CA7: variants seen among roughly 807,000 people sequenced by gnomAD.
The protein encoded by CA7 is carbonic anhydrase 7, also known as carbonate dehydratase VII.
Under a neutral mutation model 31.4 loss-of-function variants are expected in CA7, and 13 were observed. The observed-to-expected ratio is 0.41, with a 90% CI of 0.27 to 0.66. The LOEUF is 0.66. CA7 is among the 30% of genes least tolerant of loss of function. The pLI, the probability that CA7 is intolerant of heterozygous loss-of-function variation, is 0.28. For synonymous variants in CA7, 128 were observed against 133.2 expected (o/e 0.96, Z 0.27); for missense variants, 215 against 351.0 (o/e 0.61, Z 3.10).
chr16:66,849,341 C>G (rs138617622), intron 2 of CA7, among the ~76,000 whole-genome samples: 44 of 152,306 alleles, frequency 2.9e-4, no homozygotes, highest in Non-Finnish European at 5.6e-4. Flanking sequence ...AGCTACCCTC[C>G]TCTTCTGGAA....
chr16:66,852,896 G>A, intron 6 of CA7, 29 bp downstream of exon 6: 4 of 1,603,328 alleles, frequency 2.5e-6, no homozygotes, highest in Non-Finnish European at 3.4e-6. Flanking sequence ...CCAGATGGAG[G>A]GACATGGCAC....
Position 66,850,663 on chromosome 16 carries a change from C to A in CA7, c.357+4C>A. The A allele has an allele frequency of 6.3e-7, 1 of 1,583,562 alleles. No individual in the cohort carries two copies. Among genetic ancestry groups the A allele is most frequent in the Non-Finnish European group, 8.7e-7 (1 of 1,152,180 alleles). On this transcript the variant is annotated splice_donor_region_variant and intron_variant, in intron 3 of 6. Transcript: ENST00000338437. ...CGGCAAGTCCTTCCCCAGCGAGGTA[C>A]GGGCCCTCCTCCACTTGAATCCCTC...
chr16:66,852,586 G>GAAAAA, intron 5 of CA7, 126 bp from the exon 6 acceptor site: 1 of 439,660 alleles, frequency 2.3e-6, no homozygotes, highest in Non-Finnish European at 3.3e-6. Context: ...GAAAAGAAAA[G>GAAAAA]AAAAAAAAAA....
At chr16:66,848,697 G>A (rs1214893501) in intron 2 of CA7, among the ~76,000 whole-genome samples, 2 of 152,214 alleles carry the variant, frequency 1.3e-5, no homozygotes, top group Non-Finnish European at 2.9e-5. Flanking sequence ...TGAGTGCCCC[G>A]TGAATGGCAG....
At chr16:66,845,447 T>C (rs748990921) in intron 1 of CA7, among the ~76,000 whole-genome samples, 19 of 151,922 alleles carry the variant, frequency 1.3e-4, no homozygotes, top group African/African-American at 2.2e-4. Context: ...CTTTGTGAGG[T>C]TGGGTGGGGG....
In CA7 at chr16:66,851,742, C is replaced by T. The variant is rs1161740381; in HGVS notation, c.516+16C>T. On this transcript the variant is annotated intron_variant, in intron 5 of 6. Transcript: ENST00000338437. Reference sequence around the variant, plus strand: ...CCGGTTCAAGGTAAAGTCCCTGCCCCTGACCCAAGCAGCCCGATGGGGAGA... The same window carrying T: ...CCGGTTCAAGGTAAAGTCCCTGCCCTTGACCCAAGCAGCCCGATGGGGAGA... 5 of 1,610,468 alleles carry T rather than the reference C, an allele frequency of 3.1e-6. No homozygotes were observed. The highest frequency in any genetic ancestry group is 4.2e-6 in the Non-Finnish European group (5 of 1,178,046).
intron 5 of CA7, among the ~76,000 whole-genome samples, 184 bp from the exon 6 acceptor site, chr16:66,852,528 G>A (rs71392164): frequency 7.6e-6 from 1 of 131,398 alleles, no homozygotes; most frequent in African/African-American, 3.3e-5. Context: ...AAGGAAGGAA[G>A]GGAAAGGAAG....
chr16:66,852,120 C>T (rs1164126164), intron 5 of CA7, among the ~76,000 whole-genome samples: 2 of 152,120 alleles, frequency 1.3e-5, no homozygotes, highest in Non-Finnish European at 2.9e-5. Context: ...GACATTTGCT[C>T]ACAATTTGCA....
chr16:66,847,461 C>T (rs1004360360), intron 2 of CA7, among the ~76,000 whole-genome samples: 3 of 152,224 alleles, frequency 2.0e-5, no homozygotes, highest in African/African-American at 4.8e-5. Flanking sequence ...GTCGATAGAT[C>T]TGGCACACAG....
Position 66,853,693 on chromosome 16 carries a change from C to G in CA7, c.*195C>G, listed in dbSNP as rs1373097449. 3.1e-6 allele frequency: 2 copies of G among 647,592 alleles called. No homozygotes were observed. The highest frequency in any genetic ancestry group is 3.0e-5 in the Admixed American group (1 of 33,524). The allele number at this position is 647,592 out of a possible 1,614,324, so 40.1% of individuals were successfully genotyped here. ...GGGCACCCTTCAGCTGCCCTGGGGACAGGAAGGACAGGAGCTAAGCAGGGT... is the reference window on the plus strand; with the variant it reads ...GGGCACCCTTCAGCTGCCCTGGGGAGAGGAAGGACAGGAGCTAAGCAGGGT... On this transcript the variant is annotated 3_prime_UTR_variant, in exon 7 of 7. Transcript: ENST00000338437. The surrounding 1 kb of genome is among the most constrained non-coding windows in gnomAD (Gnocchi z 4.5).
intron 5 of CA7, 136 bp downstream of exon 5, chr16:66,851,862 G>A (rs763682650): frequency 7.7e-6 from 6 of 775,228 alleles, no homozygotes; most frequent in Non-Finnish European, 1.1e-5. Flanking sequence ...GCATCAGCAG[G>A]GCCCTGCACC....
chr16:66,851,629 T>C (rs1370526961), intron 4 of CA7, 35 bp from the exon 5 acceptor site: 1 of 1,613,446 alleles, frequency 6.2e-7, no homozygotes, highest in East Asian at 2.2e-5. Context: ...TAGAACACAG[T>C]GGGCTCTGGG....
At chr16:66,851,974 G>T (rs142943166) in intron 5 of CA7, among the ~76,000 whole-genome samples, 1 of 152,138 alleles carries the variant, frequency 6.6e-6, no homozygotes, top group Admixed American at 6.5e-5. Flanking sequence ...TGGTCTAATA[G>T]GCAATGTCAT....
At chr16:66,851,793 G>A in intron 5 of CA7, 67 bp downstream of exon 5, 5 of 1,401,968 alleles carry the variant, frequency 3.6e-6, no homozygotes, top group Non-Finnish European at 2.0e-6. Flanking sequence ...TCACAAGTTG[G>A]GCCCTTCCAG....
intron 3 of CA7, among the ~76,000 whole-genome samples, chr16:66,851,024 C>T: frequency 6.6e-6 from 1 of 152,194 alleles, no homozygotes. Context: ...GACGAATCCC[C>T]TGTCCACACC....
At position 66,853,469 on chromosome 16, in the gene CA7, C is replaced by T. The variant is rs1961110282; in HGVS notation, c.766C>T (p.Arg256Cys). 6.2e-7 allele frequency: 1 copy of T among 1,614,148 alleles called. No homozygotes were observed. The highest frequency in any genetic ancestry group is 8.5e-7 in the Non-Finnish European group (1 of 1,180,006). ...CCGGCCACCACAGCCACTGAAGGGC[C>T]GCGTGGTAAAGGCCTCCTTCCGGGC... ...NFRPPQPLKG[R>C]VVKASFRA is the part of the protein sequence containing the mutation. The change falls in exon 7 of 7, where the codon CGC (arginine) becomes TGC (cysteine). Residue 256 changes from arginine (R) to cysteine (C), a missense_variant. By Grantham distance (180) the Arg-to-Cys change is radical. Coordinates refer to ENST00000338437, the MANE Select transcript of CA7 (RefSeq NM_005182.3). The surrounding 1 kb of genome is among the most constrained non-coding windows in gnomAD (Gnocchi z 4.5).
chr16:66,846,994 G>A, intron 1 of CA7, 36 bp from the exon 2 acceptor site: 1 of 1,596,344 alleles, frequency 6.3e-7, no homozygotes, highest in Non-Finnish European at 8.6e-7. Flanking sequence ...AGAGATCCTG[G>A]CTGGCCTGAG....
intron 2 of CA7, among the ~76,000 whole-genome samples, chr16:66,847,942 C>T (rs187780942): frequency 1.6e-4 from 24 of 152,296 alleles, no homozygotes; most frequent in African/African-American, 5.3e-4. Flanking sequence ...AAGGGATTTT[C>T]GTCCTTATGA....
chr16:66,851,748 C>T (rs986054331), intron 5 of CA7, 22 bp downstream of exon 5: 46 of 1,607,026 alleles, frequency 2.9e-5, no homozygotes, highest in Non-Finnish European at 3.7e-5. Context: ...GCCCCTGACC[C>T]AAGCAGCCCG....
Sources: allele counts gnomAD v4.1 joint callset (sites outside exome capture counted in the v4.1 genomes callset), GRCh38; gene constraint gnomAD v4.1.1; non-coding constraint Gnocchi (gnomAD v3.1); transcripts MANE v1.5; gene names NCBI Gene and HGNC (gene_info 2026-07-23, HGNC 2026-07-21).